Variants in RGCC observed in about 807,000 individuals in gnomAD.
The protein encoded by RGCC is regulator of cell cycle RGCC.
A neutral mutation model predicts 15.4 loss-of-function variants in RGCC; 15 were observed. That is an observed-to-expected ratio of 0.97 (90% confidence interval 0.65 to 1.50). The LOEUF is 1.50. Ranked by LOEUF, RGCC falls within the 40% of genes most tolerant of loss-of-function variation. The pLI is 0.00. For synonymous variants in RGCC, 81 were observed against 78.0 expected, an observed-to-expected ratio of 1.04 and a Z score of -0.20; for missense variants, 176 against 189.7, an observed-to-expected ratio of 0.93 and a Z score of 0.42.
intron 4 of RGCC, among the ~76,000 whole-genome samples, chr13:41,469,707 A>C (rs1243416046): frequency 6.6e-6 from 1 of 152,226 alleles, no homozygotes; most frequent in East Asian, 1.9e-4. Context: ...GACCTGGATT[A>C]GGTATGCATA....
At chr13:41,463,638 T>C (rs539807796) in intron 2 of RGCC, among the ~76,000 whole-genome samples, 3 of 152,256 alleles carry the variant, frequency 2.0e-5, no homozygotes, top group Admixed American at 6.5e-5. Flanking sequence ...TGGGAGTGGC[T>C]GTCAGTTTGT....
Position 41,470,622 on chromosome 13 carries a change from G to A in RGCC, c.*137G>A, listed in dbSNP as rs2043871417. On this transcript the variant is annotated 3_prime_UTR_variant, in exon 5 of 5. Transcript: ENST00000379359. The stretch of plus-strand genomic sequence containing the variant: ...CAACCTTCTACCAGGCCACTCTCAG[G>A]CTCACCTTAAAATCAGCCCTTGATC... The A allele has an allele frequency of 4.7e-6, 4 of 859,664 alleles. No individual in the cohort carries two copies. The highest frequency in any genetic ancestry group is 3.8e-5 in the Admixed American group (2 of 52,546). The allele number at this position is 859,664 out of a possible 1,614,324, so 53.3% of individuals were successfully genotyped here.
Position 41,458,585 on chromosome 13 carries a change from C to G in RGCC, c.235+115C>G. 1 of 1,163,598 alleles carries G rather than the reference C, an allele frequency of 8.6e-7. No individual in the cohort carries two copies. The highest frequency in any genetic ancestry group is 1.2e-6 in the Non-Finnish European group (1 of 846,078). 72.1% of individuals were successfully genotyped at this position (1,163,598 alleles called of 1,614,324 possible). A position where few individuals can be genotyped will look rare whatever the true frequency, so the allele number is the denominator to read the frequency against. Reference sequence around the variant, plus strand: ...TAAACTGAGGAATGGTTTCCTGAAGCTCAACGCAGTAGGCCGAGTGGTGGC... The same window carrying G: ...TAAACTGAGGAATGGTTTCCTGAAGGTCAACGCAGTAGGCCGAGTGGTGGC... On this transcript the variant is annotated intron_variant, in intron 2 of 4. Transcript: ENST00000379359. This position sits in a 1 kb window ranked among gnomAD's most constrained non-coding sequence, Gnocchi z 4.4.
chr13:41,470,309 T>C (rs2043869678), intron 4 of RGCC, among the ~76,000 whole-genome samples, 169 bp from the exon 5 acceptor site: 1 of 152,194 alleles, frequency 6.6e-6, no homozygotes, highest in Admixed American at 6.5e-5. Context: ...GTCTACTTCA[T>C]GGAAATTGCA....
chr13:41,461,236 AAC>A (rs1437793607), intron 2 of RGCC, among the ~76,000 whole-genome samples: 1 of 152,118 alleles, frequency 6.6e-6, no homozygotes, highest in Non-Finnish European at 1.5e-5. Context: ...ACTTGATTCC[AAC>A]ATGTAAAAAA....
chr13:41,461,596 G>A (rs545661746), intron 2 of RGCC, among the ~76,000 whole-genome samples: 6 of 152,236 alleles, frequency 3.9e-5, no homozygotes, highest in South Asian at 2.1e-4. Context: ...TTCCTTTGAC[G>A]GGGGAGTGTT....
rs1374368357 is a variant in RGCC at position 41,457,564 on chromosome 13, C to G, written c.-144C>G. 1 of 1,340,556 alleles carries G rather than the reference C, an allele frequency of 7.5e-7. No homozygotes were observed. Among genetic ancestry groups the G allele is most frequent in the African/African-American group, 1.5e-5 (1 of 64,540 alleles). 83.0% of individuals were successfully genotyped at this position (1,340,556 alleles called of 1,614,324 possible). ...GAGCCGGTGGTAGGGCGGGCGCGGA[C>G]CGTGCTGGGAGCGGCGCGGCTGGAG... is the stretch of plus-strand genomic sequence containing the variant. On this transcript the variant is annotated 5_prime_UTR_variant, in exon 1 of 5. Coordinates refer to ENST00000379359, the MANE Select transcript of RGCC (RefSeq NM_014059.3). This position sits in a 1 kb window ranked among gnomAD's most constrained non-coding sequence, Gnocchi z 4.9.
chr13:41,458,263 G>A lies in RGCC; in HGVS notation c.50-22G>A. The A allele has an allele frequency of 6.5e-7, 1 of 1,548,878 alleles. No homozygotes were observed. Among genetic ancestry groups the A allele is most frequent in the Non-Finnish European group, 8.7e-7 (1 of 1,153,482 alleles). ...GCTGCCCCCCTGACTTCCGTGCACT[G>A]AGCCCCTGGCCCTGCCCGCAGCCCC... On this transcript the variant is annotated intron_variant, in intron 1 of 4. Transcript: ENST00000379359. The surrounding 1 kb of genome is among the most constrained non-coding windows in gnomAD (Gnocchi z 4.4).
chr13:41,462,381 T>C (rs991061908), intron 2 of RGCC, among the ~76,000 whole-genome samples: 2 of 152,230 alleles, frequency 1.3e-5, no homozygotes, highest in African/African-American at 4.8e-5. Context: ...ATATTTCATA[T>C]GCTTTTCTTT....
chr13:41,462,261 T>A (rs1007716024), intron 2 of RGCC, among the ~76,000 whole-genome samples: 4 of 152,188 alleles, frequency 2.6e-5, no homozygotes, highest in African/African-American at 9.7e-5. Flanking sequence ...CACGTTGACA[T>A]GCGCTAACCC....
At chr13:41,467,019 A>G in intron 3 of RGCC, 89 bp downstream of exon 3, 2 of 831,170 alleles carry the variant, frequency 2.4e-6, no homozygotes, top group Admixed American at 3.7e-5. Context: ...TCCCTAAACA[A>G]TCTTTCTCAA....
chr13:41,466,311 TCA>T (rs551833598), intron 2 of RGCC, among the ~76,000 whole-genome samples: 18 of 151,220 alleles, frequency 1.2e-4, no homozygotes, highest in Admixed American at 5.3e-4. Flanking sequence ...ACTTTCTCTC[TCA>T]CACACACACA....
chr13:41,458,831 C>T lies in RGCC; in HGVS notation c.235+361C>T, dbSNP rs966243630. Among the ~76,000 whole-genome samples, 6 of 152,058 alleles carry T rather than the reference C, an allele frequency of 3.9e-5. No individual in the cohort carries two copies. Among genetic ancestry groups the T allele is most frequent in the Admixed American group, 6.6e-5 (1 of 15,260 alleles). The stretch of plus-strand genomic sequence containing the variant: ...TAACTTTGCAGATGTGGAACAAGTG[C>T]CAGTGGAATGAGGGGGCACAGTGGG... On this transcript the variant is annotated intron_variant, in intron 2 of 4. Coordinates refer to ENST00000379359, the MANE Select transcript of RGCC (RefSeq NM_014059.3). The surrounding 1 kb of genome is among the most constrained non-coding windows in gnomAD (Gnocchi z 4.4).
In RGCC at chr13:41,458,765, T is replaced by G. The variant is rs17062214; in HGVS notation, c.235+295T>G. Reference sequence around the variant, plus strand: ...ACCTGCACCAGGCCTTTCCGCAGTTTCCCTCCTCTTCTCCTTTCCGTGCCT... The same window carrying G: ...ACCTGCACCAGGCCTTTCCGCAGTTGCCCTCCTCTTCTCCTTTCCGTGCCT... On this transcript the variant is annotated intron_variant, in intron 2 of 4. Coordinates refer to ENST00000379359, the MANE Select transcript of RGCC (RefSeq NM_014059.3). This position sits in a 1 kb window ranked among gnomAD's most constrained non-coding sequence, Gnocchi z 4.4. 0.029 allele frequency among the ~76,000 whole-genome samples: 4,398 copies of G among 152,176 alleles called. 209 individuals carry two copies. Among genetic ancestry groups the G allele is most frequent in the African/African-American group, 0.096 (3,972 of 41,482 alleles).
At chr13:41,469,254 C>T (rs973316687) in intron 4 of RGCC, among the ~76,000 whole-genome samples, 7 of 144,652 alleles carry the variant, frequency 4.8e-5, no homozygotes, top group East Asian at 2.0e-4. Context: ...AGCAAGACTC[C>T]GTCAAAATAG....
intron 2 of RGCC, among the ~76,000 whole-genome samples, chr13:41,462,624 C>G (rs1020572721): frequency 6.6e-6 from 1 of 152,184 alleles, no homozygotes; most frequent in Non-Finnish European, 1.5e-5. Context: ...TTAATAGCAG[C>G]ACCTGATACC....
chr13:41,458,361 C>T lies in RGCC; in HGVS notation c.126C>T (p.Phe42=), dbSNP rs762526698. The T allele has an allele frequency of 6.3e-7, 1 of 1,593,720 alleles. No homozygotes were observed. ...AGTTTGACGCGGTGCTGGCCGACTTCGCGTCGCCCTTCCACGAGCGCCACT... is the reference window on the plus strand; with the variant it reads ...AGTTTGACGCGGTGCTGGCCGACTTTGCGTCGCCCTTCCACGAGCGCCACT... The part of the protein sequence containing the change: ...LCEFDAVLAD[F]ASPFHERHFH... Residue 42 remains phenylalanine, a synonymous_variant, in exon 2 of 5, where the codon TTC becomes TTT. Coordinates refer to ENST00000379359, the MANE Select transcript of RGCC (RefSeq NM_014059.3). The surrounding 1 kb of genome is among the most constrained non-coding windows in gnomAD (Gnocchi z 4.4).
At chr13:41,469,295 T>TAATAATAATAATAATAAGAAG (rs869157194) in intron 4 of RGCC, among the ~76,000 whole-genome samples, 4 of 86,744 alleles carry the variant, frequency 4.6e-5, no homozygotes, top group African/African-American at 1.5e-4. Context: ...ATAATAATAA[T>TAATAATAATAATAATAAGAAG]AAGAAGAAGA....
chr13:41,468,752 C>G (rs1215021223), intron 3 of RGCC, 24 bp from the exon 4 acceptor site: 1 of 1,581,616 alleles, frequency 6.3e-7, no homozygotes, highest in Non-Finnish European at 8.6e-7. Context: ...CTCTCTCTCT[C>G]TCTCTCCCTC....
Sources: allele counts gnomAD v4.1 joint callset (sites outside exome capture counted in the v4.1 genomes callset), GRCh38; gene constraint gnomAD v4.1.1; non-coding constraint Gnocchi (gnomAD v3.1); transcripts MANE v1.5; gene names NCBI Gene and HGNC (gene_info 2026-07-23, HGNC 2026-07-21).